Variants in PAMR1 observed in about 807,000 individuals in gnomAD.
PAMR1 encodes peptidase domain containing associated with muscle regeneration 1, also known as inactive serine protease PAMR1.
Under a neutral mutation model 81.8 loss-of-function variants are expected in PAMR1, and 88 were observed. The observed-to-expected ratio is 1.08, with a 90% CI of 0.91 to 1.28. The LOEUF (loss-of-function observed/expected upper bound fraction) is 1.28, where lower values mean the gene tolerates loss of function less well. Ranked by LOEUF, PAMR1 falls within the 50% of genes most tolerant of loss-of-function variation. PAMR1 has a pLI of 0.00. For synonymous variants in PAMR1, 336 were observed against 345.3 expected, an observed-to-expected ratio of 0.97 and a Z score of 0.30; for missense variants, 935 against 919.7, an observed-to-expected ratio of 1.02 and a Z score of -0.21.
At chr11:35,449,276 C>A (rs1214334394) in intron 6 of PAMR1, among the ~76,000 whole-genome samples, 1 of 151,182 alleles carries the variant, frequency 6.6e-6, no homozygotes, top group Non-Finnish European at 1.5e-5. Flanking sequence ...ACTGCCTCCC[C>A]ACAGAGGATC....
intron 1 of PAMR1, among the ~76,000 whole-genome samples, chr11:35,497,075 G>A (rs375904395): frequency 2.4e-4 from 36 of 152,290 alleles, no homozygotes; most frequent in East Asian, 5.8e-4. Context: ...GCTGAGGCAC[G>A]AGAATCGCTT....
At chr11:35,482,438 G>A (rs1850413966) in intron 3 of PAMR1, among the ~76,000 whole-genome samples, 1 of 152,134 alleles carries the variant, frequency 6.6e-6, no homozygotes, top group Admixed American at 6.5e-5. Context: ...GATTACTGTA[G>A]CCTTGTAATA....
upstream of PAMR1, chr11:35,525,966 CG>C (rs1046480560): frequency 4.1e-6 from 1 of 241,252 alleles, no homozygotes; most frequent in Non-Finnish European, 8.2e-6. Flanking sequence ...CCCAGGGCTG[CG>C]GGGCGCTCAG....
intron 9 of PAMR1, among the ~76,000 whole-genome samples, chr11:35,435,036 A>G (rs1024941603): frequency 2.0e-5 from 3 of 152,198 alleles, no homozygotes; most frequent in African/African-American, 7.2e-5. Flanking sequence ...TTCTGATCCC[A>G]GGCACTTACT....
At chr11:35,442,013 C>A (rs1856181780) in intron 6 of PAMR1, among the ~76,000 whole-genome samples, 1 of 152,090 alleles carries the variant, frequency 6.6e-6, no homozygotes, top group Non-Finnish European at 1.5e-5. Context: ...AAATATCTCA[C>A]CTAAATTTTA....
chr11:35,464,917 C>T (rs946460618), intron 6 of PAMR1, among the ~76,000 whole-genome samples: 4 of 152,126 alleles, frequency 2.6e-5, no homozygotes, highest in Admixed American at 6.5e-5. Context: ...GTCTGTACAT[C>T]GGAATTCTAT....
At chr11:35,438,427 CCA>C (rs1425813607) in intron 8 of PAMR1, among the ~76,000 whole-genome samples, 2 of 152,102 alleles carry the variant, frequency 1.3e-5, no homozygotes, top group Non-Finnish European at 2.9e-5. Context: ...GAAACAATCC[CCA>C]GAGACAGATT....
In PAMR1 at chr11:35,432,853, G is replaced by A. The variant is rs1359516230; in HGVS notation, c.1666C>T (p.Leu556=). The change falls in exon 11 of 11, where the codon CTG becomes TTG. Residue 556 remains leucine (L), a synonymous_variant. Transcript: ENST00000619888. ...IILHPNYDPI[L]LDADIAILKL... is the part of the protein sequence containing the mutation. ...AGGATGGCGATGTCAGCATCAAGCA[G>A]GATGGGGTCATAGTTGGGATGCAGA... 6.3e-7 allele frequency: 1 copy of A among 1,597,342 alleles called. No individual in the cohort carries two copies. The highest frequency in any genetic ancestry group is 8.5e-7 in the Non-Finnish European group (1 of 1,177,664).
rs572768296 is a variant in PAMR1 at position 35,441,602 on chromosome 11, A to G, written c.912T>C (p.His304=). ...TGGPGLINGR[H]AKIGTVVSFF... is the part of the protein sequence containing the mutation. ...AAGACACCACGGTGCCAATTTTAGC[A>G]TGGCGTCCGTTGATAAGCCCAGGGC... Residue 304 remains histidine, a synonymous_variant, in exon 7 of 11, where the codon CAT becomes CAC. Transcript: ENST00000619888. 87 of 1,614,034 alleles carry G rather than the reference A, an allele frequency of 5.4e-5. 1 individual carries two copies. In the South Asian group the frequency reaches 9.1e-4, roughly 17 times the overall value.
chr11:35,498,670 G>A (rs1394078272), intron 1 of PAMR1, among the ~76,000 whole-genome samples: 10 of 152,018 alleles, frequency 6.6e-5, no homozygotes, highest in Non-Finnish European at 1.2e-4. Flanking sequence ...GGCCTTTGAG[G>A]CCTATGCTCA....
intron 1 of PAMR1, among the ~76,000 whole-genome samples, chr11:35,500,594 G>A (rs994280450): frequency 2.6e-5 from 4 of 152,304 alleles, no homozygotes; most frequent in South Asian, 2.1e-4. Flanking sequence ...CAAATCTACC[G>A]ACCTCGTCGG....
At chr11:35,436,553 G>C (rs1385930779) in intron 8 of PAMR1, among the ~76,000 whole-genome samples, 2 of 152,088 alleles carry the variant, frequency 1.3e-5, no homozygotes, top group Non-Finnish European at 2.9e-5. Flanking sequence ...CCAAAGTGCT[G>C]GGATTACAGG....
chr11:35,480,058 G>C (rs1286179345), intron 3 of PAMR1, among the ~76,000 whole-genome samples: 1 of 152,096 alleles, frequency 6.6e-6, no homozygotes. Flanking sequence ...TGAATTGTCT[G>C]CCTCCCCCAT....
At chr11:35,471,014 T>C (rs1281414155) in intron 4 of PAMR1, among the ~76,000 whole-genome samples, 196 bp from the exon 5 acceptor site, 3 of 152,170 alleles carry the variant, frequency 2.0e-5, no homozygotes, top group Non-Finnish European at 2.9e-5. Flanking sequence ...ACTGTTTGCA[T>C]GTATGTGCAC....
Position 35,432,330 on chromosome 11 carries a change from C to A in PAMR1, c.*26G>T. 1 of 1,589,630 alleles carries A rather than the reference C, an allele frequency of 6.3e-7. No individual in the cohort carries two copies. Among genetic ancestry groups the A allele is most frequent in the Admixed American group, 1.7e-5 (1 of 59,676 alleles). On this transcript the variant is annotated 3_prime_UTR_variant, in exon 11 of 11. Transcript: ENST00000619888. Reference sequence around the variant, plus strand: ...ACGTACAGACGGATATACAGAAACACTTCTCAAGGAGTGCATGAGCATGGT... The same window carrying A: ...ACGTACAGACGGATATACAGAAACAATTCTCAAGGAGTGCATGAGCATGGT...
chr11:35,492,233 G>A (rs1850645714), intron 2 of PAMR1, 60 bp from the exon 3 acceptor site: 1 of 1,585,626 alleles, frequency 6.3e-7, no homozygotes, highest in Non-Finnish European at 8.6e-7. Flanking sequence ...CTGATCAGCT[G>A]CATGGGAGCA....
At chr11:35,462,959 G>T (rs1856688650) in intron 6 of PAMR1, among the ~76,000 whole-genome samples, 2 of 152,078 alleles carry the variant, frequency 1.3e-5, no homozygotes, top group South Asian at 4.2e-4. Context: ...TGTGAAAAAA[G>T]GCAGTAAAAA....
chr11:35,441,818 A>G, intron 6 of PAMR1, 125 bp from the exon 7 acceptor site: 1 of 589,926 alleles, frequency 1.7e-6, no homozygotes, highest in Non-Finnish European at 2.9e-6. Context: ...CAAAAGAATT[A>G]CTAAAATAAA....
At position 35,507,637 on chromosome 11, in the gene PAMR1, C is replaced by A. The variant is rs1199513963; in HGVS notation, c.74-13365G>T. ...GGTCAGTCACTCTCCCTTGTTTTGT[C>A]CATTTGGGGAAGTCATGGTTCCCTG... On this transcript the variant is annotated intron_variant, in intron 1 of 10. Transcript: ENST00000619888. Among the ~76,000 whole-genome samples the A allele has an allele frequency of 3.9e-5, 6 of 152,160 alleles. No homozygotes were observed. The South Asian group carries it at 8.3e-4, about 21-fold the overall frequency.
Sources: allele counts gnomAD v4.1 joint callset (sites outside exome capture counted in the v4.1 genomes callset), GRCh38; gene constraint gnomAD v4.1.1; transcripts MANE v1.5; gene names NCBI Gene and HGNC (gene_info 2026-07-23, HGNC 2026-07-21).